Variants in TSHZ2 observed in about 807,000 individuals in gnomAD.
TSHZ2 encodes teashirt homolog 2.
A neutral mutation model predicts 74.4 loss-of-function variants in TSHZ2; 21 were observed. The ratio of observed to expected loss-of-function variants is 0.28; its 90% CI spans 0.20 to 0.41. The LOEUF (loss-of-function observed/expected upper bound fraction) is 0.41. TSHZ2 is among the 10% of genes least tolerant of loss of function. TSHZ2 has a pLI of 1.00. For missense variants in TSHZ2, 1,244 were observed against 1,293.5 expected (o/e 0.96, Z 0.59); for synonymous variants, 540 against 515.3 (o/e 1.05, Z -0.65).
At chr20:53,152,198 C>T (rs764922285) in intron 1 of TSHZ2, among the ~76,000 whole-genome samples, 7 of 151,826 alleles carry the variant, frequency 4.6e-5, no homozygotes, top group Admixed American at 1.3e-4. Flanking sequence ...TTTTTTTTCA[C>T]TTTCTTGACT....
At chr20:53,219,081 A>G (rs951070430) in intron 1 of TSHZ2, among the ~76,000 whole-genome samples, 1 of 152,224 alleles carries the variant, frequency 6.6e-6, no homozygotes, top group African/African-American at 2.4e-5. Context: ...GTTAGGTAAA[A>G]GAAGCTTTTA....
At chr20:53,112,912 A>G (rs1373468053) in intron 1 of TSHZ2, among the ~76,000 whole-genome samples, 1 of 152,252 alleles carries the variant, frequency 6.6e-6, no homozygotes, top group Non-Finnish European at 1.5e-5. Context: ...AATAGTCTTC[A>G]TCAAAGATAT....
chr20:53,022,151 G>GT (rs1983267306), intron 1 of TSHZ2, among the ~76,000 whole-genome samples: 2 of 152,146 alleles, frequency 1.3e-5, no homozygotes, highest in Non-Finnish European at 2.9e-5. Flanking sequence ...AAGAGAAACA[G>GT]GATGAGTCAC....
At chr20:53,207,079 C>T (rs1264142117) in intron 1 of TSHZ2, among the ~76,000 whole-genome samples, 3 of 152,196 alleles carry the variant, frequency 2.0e-5, no homozygotes, top group Non-Finnish European at 4.4e-5. Flanking sequence ...TGCTCCTGAC[C>T]TGGCGTGGTC....
intron 1 of TSHZ2, among the ~76,000 whole-genome samples, chr20:53,191,090 T>C (rs976096751): frequency 2.0e-5 from 3 of 152,216 alleles, no homozygotes; most frequent in Non-Finnish European, 4.4e-5. Flanking sequence ...GTATATCTCA[T>C]AGCTTCTTGG....
At chr20:53,317,604 G>A (rs140941570) in intron 2 of TSHZ2, among the ~76,000 whole-genome samples, 2 of 152,294 alleles carry the variant, frequency 1.3e-5, no homozygotes, top group Non-Finnish European at 2.9e-5. Flanking sequence ...ACATCAGCAT[G>A]CAGGCCTCGA....
chr20:53,359,363 A>G (rs1254177996), intron 2 of TSHZ2, among the ~76,000 whole-genome samples: 1 of 152,208 alleles, frequency 6.6e-6, no homozygotes, highest in Non-Finnish European at 1.5e-5. Flanking sequence ...TATCTGTAAA[A>G]TGAAAGAGAG....
At chr20:53,251,218 C>G (rs1297131875) in intron 1 of TSHZ2, among the ~76,000 whole-genome samples, 1 of 152,306 alleles carries the variant, frequency 6.6e-6, no homozygotes, top group African/African-American at 2.4e-5. Context: ...TGCTGACTAC[C>G]TGTTGACCCA....
chr20:52,987,909 ACT>A, intron 1 of TSHZ2, among the ~76,000 whole-genome samples: 1 of 151,952 alleles, frequency 6.6e-6, no homozygotes, highest in Non-Finnish European at 1.5e-5. Flanking sequence ...AATTCTCAAG[ACT>A]CTATAGAATG....
At chr20:53,448,035 T>C (rs1438576892) in intron 2 of TSHZ2, among the ~76,000 whole-genome samples, 1 of 151,394 alleles carries the variant, frequency 6.6e-6, no homozygotes, top group Non-Finnish European at 1.5e-5. Context: ...TGCCTCAGCC[T>C]CCCGAGTAGC....
intron 2 of TSHZ2, among the ~76,000 whole-genome samples, chr20:53,299,086 T>C (rs138949091): frequency 1.3e-5 from 2 of 152,258 alleles, no homozygotes; most frequent in African/African-American, 4.8e-5. Flanking sequence ...GCCTGGGAAT[T>C]GTCTTCTTCC....
chr20:53,303,471 A>G (rs1978389891), intron 2 of TSHZ2, among the ~76,000 whole-genome samples: 1 of 152,234 alleles, frequency 6.6e-6, no homozygotes, highest in Admixed American at 6.5e-5. Flanking sequence ...ACACTGAGAT[A>G]AGCAGTATTC....
intron 1 of TSHZ2, among the ~76,000 whole-genome samples, chr20:53,058,829 G>T (rs1457887203): frequency 6.6e-6 from 1 of 152,176 alleles, no homozygotes; most frequent in African/African-American, 2.4e-5. Context: ...TCTGGCCTGG[G>T]GAAACATGAC....
chr20:52,997,260 G>GGC (rs1555813125), intron 1 of TSHZ2, among the ~76,000 whole-genome samples: 7 of 55,022 alleles, frequency 1.3e-4, no homozygotes, highest in African/African-American at 5.0e-4. Flanking sequence ...ATCTTGCCCC[G>GGC]GGGGGGGGTT....
At chr20:53,448,873 T>A (rs1329671396) in intron 2 of TSHZ2, among the ~76,000 whole-genome samples, 1 of 152,202 alleles carries the variant, frequency 6.6e-6, no homozygotes, top group Admixed American at 6.5e-5. Flanking sequence ...GCTGTAAAGA[T>A]TAGTGATCAT....
At chr20:53,122,464 T>C (rs991887265) in intron 1 of TSHZ2, among the ~76,000 whole-genome samples, 27 of 152,098 alleles carry the variant, frequency 1.8e-4, no homozygotes, top group African/African-American at 6.5e-4. Flanking sequence ...GACTTCAAGT[T>C]AATTTCTATT....
At chr20:53,190,124 TATATA>T (rs1568803427) in intron 1 of TSHZ2, among the ~76,000 whole-genome samples, 4 of 99,254 alleles carry the variant, frequency 4.0e-5, no homozygotes, top group African/African-American at 1.6e-4. Context: ...TATATATATA[TATATA>T]TATATATATT....
intron 1 of TSHZ2, among the ~76,000 whole-genome samples, chr20:53,088,155 C>T (rs1187965767): frequency 6.6e-6 from 1 of 152,104 alleles, no homozygotes; most frequent in Non-Finnish European, 1.5e-5. Context: ...TACCTGTTTC[C>T]TACTGAACAG....
At chr20:53,478,146 G>A (rs974917412) in intron 2 of TSHZ2, among the ~76,000 whole-genome samples, 3 of 149,782 alleles carry the variant, frequency 2.0e-5, no homozygotes, top group Non-Finnish European at 4.4e-5. Context: ...ATTTGACCCA[G>A]CCATCCCATT....
Sources: gnomAD v4.1 joint callset for allele counts (sites outside exome capture counted in the v4.1 genomes callset) on GRCh38, gnomAD v4.1.1 for gene constraint, MANE v1.5 for transcripts, NCBI Gene and HGNC (gene_info 2026-07-23, HGNC 2026-07-21) for gene names.